Variants in ZMYM2 observed in about 807,000 individuals in gnomAD.
ZMYM2 encodes zinc finger MYM-type containing 2, also known as zinc finger MYM-type protein 2.
In ZMYM2, 56 loss-of-function variants were observed where a neutral mutation model predicts 162.8. That is an observed-to-expected ratio of 0.34 (90% CI 0.28 to 0.43). ZMYM2 has a LOEUF of 0.43. Ranked by LOEUF, ZMYM2 falls within the 20% of genes least tolerant of loss-of-function variation. ZMYM2 has a pLI of 1.00. For missense variants in ZMYM2, 1,275 were observed against 1,621.8 expected, an observed-to-expected ratio of 0.79 and a Z score of 3.67; for synonymous variants, 510 against 541.6, an observed-to-expected ratio of 0.94 and a Z score of 0.81.
the ZMYM2 span, among the ~76,000 whole-genome samples, chr13:19,924,473 T>A: frequency 2.9e-3 from 444 of 151,392 alleles, 1 homozygote; most frequent in Non-Finnish European, 5.6e-3. Flanking sequence ...GAGGCTGAGG[T>A]GAAAGGATCG....
intron 12 of ZMYM2, among the ~76,000 whole-genome samples, chr13:20,050,768 T>G (rs1455534218): frequency 6.6e-6 from 1 of 152,018 alleles, no homozygotes; most frequent in Non-Finnish European, 1.5e-5. Flanking sequence ...CTTGTATCGT[T>G]TTTTGGTATT....
intron 2 of ZMYM2, among the ~76,000 whole-genome samples, chr13:19,987,323 G>T (rs567017049): frequency 5.3e-5 from 8 of 151,850 alleles, no homozygotes; most frequent in Non-Finnish European, 1.0e-4. Flanking sequence ...GAGTGCAGTG[G>T]CGCAATCTCG....
intron 9 of ZMYM2, among the ~76,000 whole-genome samples, chr13:20,029,945 C>G (rs1031007523): frequency 1.3e-5 from 2 of 151,530 alleles, no homozygotes; most frequent in African/African-American, 4.9e-5. Flanking sequence ...CAGGCACCTG[C>G]CACCATGCCT....
chr13:19,957,265 T>C (rs1954591565), upstream of ZMYM2, among the ~76,000 whole-genome samples: 1 of 152,226 alleles, frequency 6.6e-6, no homozygotes, highest in Non-Finnish European at 1.5e-5. Flanking sequence ...TTCATGTTCA[T>C]CAATATTGTG....
At chr13:19,918,976 C>G in the ZMYM2 span, among the ~76,000 whole-genome samples, 1 of 152,138 alleles carries the variant, frequency 6.6e-6, no homozygotes, top group Non-Finnish European at 1.5e-5. Flanking sequence ...TCTATCACCT[C>G]AAAGATGTCC....
At chr13:19,937,549 C>T in the ZMYM2 span, among the ~76,000 whole-genome samples, 1 of 150,310 alleles carries the variant, frequency 6.7e-6, no homozygotes, top group Non-Finnish European at 1.5e-5. Flanking sequence ...CTGCAACCTC[C>T]ACCTCCTGAG....
At chr13:19,937,789 G>A in the ZMYM2 span, among the ~76,000 whole-genome samples, 1 of 81,852 alleles carries the variant, frequency 1.2e-5, no homozygotes, top group Non-Finnish European at 2.2e-5. Context: ...CCCTCCCCCC[G>A]CCCCCCACCT....
At chr13:19,872,632 C>A in the ZMYM2 span, among the ~76,000 whole-genome samples, 3 of 152,180 alleles carry the variant, frequency 2.0e-5, no homozygotes, top group Admixed American at 1.3e-4. Context: ...GTATTTAAGA[C>A]AATATGAATA....
the ZMYM2 span, among the ~76,000 whole-genome samples, chr13:19,924,647 C>T: frequency 6.6e-6 from 1 of 152,254 alleles, no homozygotes; most frequent in Non-Finnish European, 1.5e-5. Flanking sequence ...AATTTCCTTC[C>T]CTTTCAAGGC....
chr13:19,962,598 C>T (rs1955366803), intron 2 of ZMYM2, among the ~76,000 whole-genome samples: 1 of 129,822 alleles, frequency 7.7e-6, no homozygotes, highest in Middle Eastern at 6.1e-3. Flanking sequence ...GATCTTGGCT[C>T]ACTGCAACCT....
At chr13:20,078,828 T>C (rs1416560814) in intron 21 of ZMYM2, among the ~76,000 whole-genome samples, 1 of 152,164 alleles carries the variant, frequency 6.6e-6, no homozygotes, top group African/African-American at 2.4e-5. Flanking sequence ...TATTATACTT[T>C]TTAACTTTTA....
At chr13:19,885,014 T>A in the ZMYM2 span, among the ~76,000 whole-genome samples, 1 of 152,106 alleles carries the variant, frequency 6.6e-6, no homozygotes, top group Non-Finnish European at 1.5e-5. Context: ...AGAATGCTGA[T>A]TGGTATATTT....
chr13:19,936,565 T>C, the ZMYM2 span, among the ~76,000 whole-genome samples: 2 of 151,554 alleles, frequency 1.3e-5, no homozygotes, highest in Non-Finnish European at 2.9e-5. Context: ...CTACTAAAAA[T>C]ACAAAAATTA....
upstream of ZMYM2, among the ~76,000 whole-genome samples, chr13:19,954,396 A>T (rs557971008): frequency 7.9e-5 from 12 of 151,868 alleles, no homozygotes; most frequent in Non-Finnish European, 1.0e-4. Flanking sequence ...GATTACAGGC[A>T]TGAGCCACCG....
At chr13:19,999,757 A>G (rs2139851027) in intron 3 of ZMYM2, among the ~76,000 whole-genome samples, 1 of 152,318 alleles carries the variant, frequency 6.6e-6, no homozygotes, top group African/African-American at 2.4e-5. Context: ...TTCTTGAAGG[A>G]AATTAAAACT....
chr13:19,984,214 AATATTT>A (rs1948961717), intron 2 of ZMYM2, among the ~76,000 whole-genome samples: 1 of 152,218 alleles, frequency 6.6e-6, no homozygotes, highest in African/African-American at 2.4e-5. Context: ...CAAATATATG[AATATTT>A]ATATTTTAAC....
At chr13:20,081,689 AT>A (rs1413052523) in intron 21 of ZMYM2, among the ~76,000 whole-genome samples, 1 of 151,786 alleles carries the variant, frequency 6.6e-6, no homozygotes, top group East Asian at 1.9e-4. Flanking sequence ...TAAAATTTAC[AT>A]TTTTCTTCAT....
the ZMYM2 span, among the ~76,000 whole-genome samples, chr13:19,870,907 T>C: frequency 2.0e-5 from 3 of 151,756 alleles, no homozygotes. Context: ...GATTACAGGC[T>C]TGAACCACTG....
At chr13:19,971,244 G>GTGTATATATATATATATATA (rs5802035) in intron 2 of ZMYM2, among the ~76,000 whole-genome samples, 2 of 50,114 alleles carry the variant, frequency 4.0e-5, no homozygotes, top group African/African-American at 1.3e-4. Context: ...GTGTGTGTGT[G>GTGTATATATATATATATATA]TATATATATA....
Sources: allele counts gnomAD v4.1 joint callset (sites outside exome capture counted in the v4.1 genomes callset), GRCh38; gene constraint gnomAD v4.1.1; transcripts MANE v1.5; gene names NCBI Gene and HGNC (gene_info 2026-07-23, HGNC 2026-07-21).